Variants in SUMF2 observed in about 807,000 individuals in gnomAD.
The protein encoded by SUMF2 is sulfatase modifying factor 2.
SUMF2 carries 45 observed loss-of-function variants against 44.8 expected under a neutral mutation model. The ratio of observed to expected loss-of-function variants is 1.00; its 90% CI spans 0.79 to 1.29. The LOEUF is 1.29. Ranked by LOEUF, SUMF2 falls within the 50% of genes most tolerant of loss-of-function variation. The probability of loss-of-function intolerance (pLI) is 0.00; values close to 1 mark genes in which losing one functional copy is unlikely to be tolerated. For synonymous variants in SUMF2, 148 were observed against 150.4 expected, an observed-to-expected ratio of 0.98 and a Z score of 0.12; for missense variants, 418 against 389.9, an observed-to-expected ratio of 1.07 and a Z score of -0.61.
chr7:56,065,246 G>C (rs947284029), intron 1 of SUMF2, among the ~76,000 whole-genome samples: 1 of 135,584 alleles, frequency 7.4e-6, no homozygotes, highest in Admixed American at 7.6e-5. Flanking sequence ...AACGACCCCC[G>C]CCCCCACGTA....
chr7:56,064,389 C>T lies in SUMF2; in HGVS notation c.67+11C>T, dbSNP rs749559218. The T allele has an allele frequency of 8.1e-6, 13 of 1,598,978 alleles. No individual in the cohort carries two copies. The highest frequency in any genetic ancestry group is 7.9e-5 in the South Asian group (7 of 88,818). On this transcript the variant is annotated intron_variant, in intron 1 of 8. Transcript: ENST00000434526. Reference sequence around the variant, plus strand: ...CGTGGCTCAAGCTAGGTCAGTGAACCGGCCGTCCATCCTGGGGGCGCTGGG... The same window carrying T: ...CGTGGCTCAAGCTAGGTCAGTGAACTGGCCGTCCATCCTGGGGGCGCTGGG...
chr7:56,082,002 G>A (rs551840444), downstream of SUMF2: 25 of 1,613,896 alleles, frequency 1.5e-5, no homozygotes, highest in Non-Finnish European at 2.0e-5. Context: ...CCAGAAGGGC[G>A]GGGAGCCGGC....
In SUMF2 at chr7:56,074,717, C is replaced by T. The variant is rs146543385; in HGVS notation, c.516C>T (p.Ala172=). Residue 172 remains alanine, a synonymous_variant, in exon 5 of 9, where the codon GCC becomes GCT. Coordinates refer to ENST00000434526, the MANE Select transcript of SUMF2 (RefSeq NM_015411.4). The part of the protein sequence containing the change: ...RLPTEEEWEF[A]ARGGLKGQVY... ...CCACGGAGGAAGAGTGGGAGTTTGC[C>T]GCCCGAGGGGGCTTGAAGGGTATCC... 22 of 1,614,110 alleles carry T rather than the reference C, an allele frequency of 1.4e-5. No individual in the cohort carries two copies. Among genetic ancestry groups the T allele is most frequent in the African/African-American group, 2.7e-5 (2 of 75,048 alleles).
At chr7:56,087,198 TTA>T in the SUMF2 span, among the ~76,000 whole-genome samples, 2 of 46,454 alleles carry the variant, frequency 4.3e-5, no homozygotes, top group Non-Finnish European at 8.5e-5. Flanking sequence ...AGGGACTTTA[TTA>T]TTATTATTAT....
chr7:56,064,538 A>C (rs1444199185), intron 1 of SUMF2, among the ~76,000 whole-genome samples, 160 bp downstream of exon 1: 1 of 152,098 alleles, frequency 6.6e-6, no homozygotes, highest in Admixed American at 6.6e-5. Context: ...TCACCGCCTT[A>C]TACTTTTCAA....
At chr7:56,087,825 G>C in the SUMF2 span, 8 of 1,506,050 alleles carry the variant, frequency 5.3e-6, no homozygotes, top group Non-Finnish European at 7.3e-6. Flanking sequence ...CACCCCATGG[G>C]GGGTCCCAGA....
In SUMF2 at chr7:56,074,494, G is replaced by A. The variant is rs1795399989; in HGVS notation, c.385-92G>A. On this transcript the variant is annotated intron_variant, in intron 4 of 8. Transcript: ENST00000434526. The stretch of plus-strand genomic sequence containing the variant: ...TCTTCCAGCTCTCTTGCTCCATCTA[G>A]TGGTAAAAGCTGAACGCGGGCGCCC... 3 of 1,511,628 alleles carry A rather than the reference G, an allele frequency of 2.0e-6. No individual in the cohort carries two copies. In the South Asian group the frequency reaches 3.7e-5, roughly 19 times the overall value. 93.6% of individuals were successfully genotyped at this position (1,511,628 alleles called of 1,614,324 possible).
At position 56,080,528 on chromosome 7, in the gene SUMF2, T is replaced by C. The variant is rs993113973; in HGVS notation, c.*916T>C. Reference sequence around the variant, plus strand: ...ATCCTCCCACCTCGACCTCCCAAAGTGCTGGGATTACAGGTGTGAGCCACC... The same window carrying C: ...ATCCTCCCACCTCGACCTCCCAAAGCGCTGGGATTACAGGTGTGAGCCACC... On this transcript the variant is annotated 3_prime_UTR_variant, in exon 9 of 9. Coordinates refer to ENST00000434526, the MANE Select transcript of SUMF2 (RefSeq NM_015411.4). The C allele has an allele frequency of 6.1e-6, 1 of 164,952 alleles. No individual in the cohort carries two copies. The highest frequency in any genetic ancestry group is 1.3e-5 in the Non-Finnish European group (1 of 76,302). The allele number at this position is 164,952 out of a possible 1,614,324, so 10.2% of individuals were successfully genotyped here.
At chr7:56,083,998 C>T, downstream of SUMF2, 1 of 614,674 alleles carries the variant, frequency 1.6e-6, no homozygotes, top group Non-Finnish European at 2.9e-6. Flanking sequence ...GAATTTTTCC[C>T]CTGGAAAAAT....
chr7:56,078,384 A>G lies in SUMF2; in HGVS notation c.697A>G (p.Asn233Asp), dbSNP rs1457124351. The G allele has an allele frequency of 1.9e-6, 3 of 1,608,938 alleles. No homozygotes were observed. In the South Asian group the frequency reaches 3.3e-5, roughly 18 times the overall value. Residue 233 changes from asparagine to aspartate, a missense_variant, in exon 8 of 9, where the codon AAC becomes GAC. Asn to Asp is a conservative substitution (Grantham distance 23, BLOSUM62 1). Transcript: ENST00000434526. ...TGCAGGGCTCTATGACCTCCTGGGG[A>G]ACGTGTGGGAGTGGACAGCATCACC... ...NNYGLYDLLG[N>D]VWEWTASPYQ...
At chr7:56,082,147 T>G (rs1160677314), downstream of SUMF2, 1 of 1,613,002 alleles carries the variant, frequency 6.2e-7, no homozygotes, top group South Asian at 1.1e-5. Context: ...TGCTCCTCCT[T>G]TCCCGGCGCA....
downstream of SUMF2, chr7:56,083,386 C>T (rs911041281): frequency 1.6e-5 from 26 of 1,613,996 alleles, no homozygotes; most frequent in African/African-American, 2.7e-5. Context: ...TCCCGGTGCA[C>T]GATGTTGAGT....
At chr7:56,068,031 CTTTTTTTTTTT>C (rs565131237) in intron 1 of SUMF2, among the ~76,000 whole-genome samples, 1 of 110,350 alleles carries the variant, frequency 9.1e-6, no homozygotes, top group Non-Finnish European at 1.9e-5. Context: ...TTTTTTCTTT[CTTTTTTTTTTT>C]TTTTTTTTTT....
In SUMF2 at chr7:56,080,137, A is replaced by AAAG. The variant is rs2117516394; in HGVS notation, c.*526_*528dup. On this transcript the variant is annotated 3_prime_UTR_variant, in exon 9 of 9. Coordinates refer to ENST00000434526, the MANE Select transcript of SUMF2 (RefSeq NM_015411.4). Reference sequence around the variant, plus strand: ...GTAACAGGCAGACATGTAACTATTTAAAGCACAGTTCAGTCCTAAAAGGGT... The same window carrying AAAG: ...GTAACAGGCAGACATGTAACTATTTAAAGAAGCACAGTTCAGTCCTAAAAGGGT... 1 of 469,452 alleles carries AAAG rather than the reference A, an allele frequency of 2.1e-6. No homozygotes were observed. The highest frequency in any genetic ancestry group is 3.9e-5 in the East Asian group (1 of 25,918). 29.1% of individuals were successfully genotyped at this position (469,452 alleles called of 1,614,324 possible).
At chr7:56,083,282 C>T, downstream of SUMF2, 1 of 1,613,840 alleles carries the variant, frequency 6.2e-7, no homozygotes, top group Non-Finnish European at 8.5e-7. Flanking sequence ...CCAGACCTCG[C>T]AGCCTCTCTC....
At chr7:56,065,589 T>C (rs1354727831) in intron 1 of SUMF2, among the ~76,000 whole-genome samples, 1 of 152,048 alleles carries the variant, frequency 6.6e-6, no homozygotes, top group Non-Finnish European at 1.5e-5. Context: ...CTTACTCCTT[T>C]TATTTATTTA....
rs1584614791 is a variant in SUMF2 at position 56,080,647 on chromosome 7, A to G, written c.*1035A>G. On this transcript the variant is annotated 3_prime_UTR_variant, in exon 9 of 9. Transcript: ENST00000434526. ...TCACTGGATGTCATGGGGCCAATAAAATCTCCTGCAATTGTGTATCTCAGA... is the reference window on the plus strand; with the variant it reads ...TCACTGGATGTCATGGGGCCAATAAGATCTCCTGCAATTGTGTATCTCAGA... 1 of 219,994 alleles carries G rather than the reference A, an allele frequency of 4.5e-6. No individual in the cohort carries two copies. Among genetic ancestry groups the G allele is most frequent in the East Asian group, 1.2e-4 (1 of 8,370 alleles). The allele number at this position is 219,994 out of a possible 1,614,324, so 13.6% of individuals were successfully genotyped here.
chr7:56,083,105 CAAA>C (rs374270655), downstream of SUMF2: 1,638 of 438,842 alleles, frequency 3.7e-3, no homozygotes, highest in Middle Eastern at 6.8e-3. Context: ...GACTCCATCT[CAAA>C]AAAAAAAAAA....
At chr7:56,075,030 C>A (rs1795446144) in intron 5 of SUMF2, among the ~76,000 whole-genome samples, 1 of 151,880 alleles carries the variant, frequency 6.6e-6, no homozygotes, top group South Asian at 2.1e-4. Flanking sequence ...CCTAGGAGTT[C>A]AAAGCTGCGG....
Sources: gnomAD v4.1 joint callset for allele counts (sites outside exome capture counted in the v4.1 genomes callset) on GRCh38, gnomAD v4.1.1 for gene constraint, MANE v1.5 for transcripts, NCBI Gene and HGNC (gene_info 2026-07-23, HGNC 2026-07-21) for gene names.